BAIAP2: variants seen among roughly 807,000 people sequenced by gnomAD.
The protein encoded by BAIAP2 is BAR/IMD domain containing adaptor protein 2, also known as BAR/IMD domain-containing adapter protein 2.
Under a neutral mutation model 63.0 loss-of-function variants are expected in BAIAP2, and 18 were observed. That is an observed-to-expected ratio of 0.29 (90% CI 0.20 to 0.42). BAIAP2 has a LOEUF of 0.42. Among genes scored for constraint, BAIAP2 ranks in the 10% least tolerant of loss-of-function variants. The probability of loss-of-function intolerance (pLI) is 1.00; values close to 1 mark genes in which losing one functional copy is unlikely to be tolerated. For missense variants in BAIAP2, 610 were observed against 734.3 expected (o/e 0.83, Z 1.96); for synonymous variants, 386 against 307.6 (o/e 1.25, Z -2.67).
chr17:81,114,750 C>A (rs2060323458), intron 13 of BAIAP2, among the ~76,000 whole-genome samples: 1 of 152,238 alleles, frequency 6.6e-6, no homozygotes, highest in African/African-American at 2.4e-5. Context: ...CGGAACCCTG[C>A]CTGCCCACCC....
At chr17:81,109,017 G>C in intron 13 of BAIAP2, 1 of 1,543,960 alleles carries the variant, frequency 6.5e-7, no homozygotes, top group South Asian at 1.2e-5. Context: ...ACCCCGGGCA[G>C]CCGCTGCTCT....
At chr17:81,043,828 G>GC (rs2047421638) in intron 1 of BAIAP2, among the ~76,000 whole-genome samples, 2 of 152,388 alleles carry the variant, frequency 1.3e-5, no homozygotes, top group South Asian at 4.1e-4. Context: ...TGGCTCTCCA[G>GC]CCGCGCGTCT....
chr17:81,063,195 G>T (rs73365914), intron 3 of BAIAP2, among the ~76,000 whole-genome samples: 1 of 152,104 alleles, frequency 6.6e-6, no homozygotes, highest in Non-Finnish European at 1.5e-5. Flanking sequence ...AATGTGAAAG[G>T]TCTGGAGCGT....
intron 6 of BAIAP2, among the ~76,000 whole-genome samples, chr17:81,096,784 C>T (rs11870651): frequency 0.032 from 4,841 of 152,330 alleles, 268 homozygotes; most frequent in African/African-American, 0.11. Flanking sequence ...CCCCAGGGTA[C>T]CCCTGAATCT....
intron 6 of BAIAP2, among the ~76,000 whole-genome samples, chr17:81,094,070 A>G (rs539339858): frequency 1.3e-5 from 2 of 152,228 alleles, no homozygotes; most frequent in Admixed American, 6.5e-5. Context: ...CTGCATCCGC[A>G]GCTGACACAG....
intron 13 of BAIAP2, chr17:81,110,146 G>T (rs755660771): frequency 1.2e-5 from 12 of 985,618 alleles, no homozygotes; most frequent in Non-Finnish European, 1.4e-5. Flanking sequence ...GGGAAGCTGC[G>T]GCGCTCCTTT....
At position 81,116,485 on chromosome 17, in the gene BAIAP2, A is replaced by G; in HGVS notation, c.*646A>G. On this transcript the variant is annotated 3_prime_UTR_variant, in exon 14 of 14. Transcript: ENST00000428708. ...CAGGCCCCAGCCCTCCTCCTTACCCAACCTCCCATCCAGAACCTTGCTGCC... is the reference window on the plus strand; with the variant it reads ...CAGGCCCCAGCCCTCCTCCTTACCCGACCTCCCATCCAGAACCTTGCTGCC... The G allele has an allele frequency of 1.3e-6, 1 of 766,342 alleles. No individual in the cohort carries two copies. The highest frequency in any genetic ancestry group is 1.8e-5 in the South Asian group (1 of 54,168). The allele number at this position is 766,342 out of a possible 1,614,324, so 47.5% of individuals were successfully genotyped here. A position where few individuals can be genotyped will look rare whatever the true frequency, so the allele number is the denominator to read the frequency against.
At chr17:81,104,473 C>T (rs749551968) in intron 9 of BAIAP2, 41 bp from the exon 10 acceptor site, 8 of 1,541,610 alleles carry the variant, frequency 5.2e-6, no homozygotes, top group Non-Finnish European at 6.1e-6. Flanking sequence ...GCTGCCCCGC[C>T]AGCCAGGGGC....
rs149705257 is a variant in BAIAP2 at position 81,070,017 on chromosome 17, G to A, written c.217+12050G>A. The stretch of plus-strand genomic sequence containing the variant: ...CACTCTGTCACTCAGGCTAGAGTGT[G>A]GTGGCGCAGTCATACATAGCTCATT... On this transcript the variant is annotated intron_variant, in intron 3 of 13. Transcript: ENST00000428708. Among the ~76,000 whole-genome samples the A allele has an allele frequency of 6.6e-5, 10 of 152,240 alleles. No individual in the cohort carries two copies. The East Asian group carries it at 1.7e-3, about 26-fold the overall frequency.
chr17:81,084,735 A>G (rs2055270743), intron 3 of BAIAP2, 97 bp from the exon 4 acceptor site: 6 of 1,254,236 alleles, frequency 4.8e-6, no homozygotes, highest in Non-Finnish European at 5.8e-6. Context: ...CTGTGGTCAC[A>G]GGGCTTCCCT....
chr17:81,072,852 C>G (rs1343867706), intron 3 of BAIAP2, among the ~76,000 whole-genome samples: 1 of 152,062 alleles, frequency 6.6e-6, no homozygotes, highest in Non-Finnish European at 1.5e-5. Context: ...AGTCCTTGCT[C>G]TGGGGCCGGG....
At chr17:81,108,809 T>TGCCCCAATCTGTGCTCC in intron 13 of BAIAP2, 1 of 1,214,666 alleles carries the variant, frequency 8.2e-7, no homozygotes, top group Non-Finnish European at 1.1e-6. Context: ...CAGCCTCCTC[T>TGCCCCAATCTGTGCTCC]GCCCCAATCT....
In BAIAP2 at chr17:81,089,491, G is replaced by GT. The variant is rs2056332845; in HGVS notation, c.489+2912dup. On this transcript the variant is annotated intron_variant, in intron 6 of 13. Transcript: ENST00000428708. Reference sequence around the variant, plus strand: ...TTTGGCAACAGAACTAAGGTGGCTGGTGGCTGGGCCCGTCCTGGGGCCCCT... The same window carrying GT: ...TTTGGCAACAGAACTAAGGTGGCTGGTTGGCTGGGCCCGTCCTGGGGCCCCT... Among the ~76,000 whole-genome samples, 4 of 152,342 alleles carry GT rather than the reference G, an allele frequency of 2.6e-5. No individual in the cohort carries two copies. The South Asian group carries it at 8.3e-4, about 32-fold the overall frequency.
intron 3 of BAIAP2, among the ~76,000 whole-genome samples, chr17:81,080,469 C>A (rs2054414973): frequency 6.6e-6 from 1 of 152,248 alleles, no homozygotes; most frequent in South Asian, 2.1e-4. Flanking sequence ...GGGGCTCGGG[C>A]TGGCGGGGAT....
At chr17:81,036,994 C>T (rs1329025425) in intron 1 of BAIAP2, 5 of 1,505,976 alleles carry the variant, frequency 3.3e-6, no homozygotes, top group Non-Finnish European at 4.5e-6. Context: ...CTCTGGGGGA[C>T]CGACCCCGTG....
chr17:81,085,599 G>C, intron 4 of BAIAP2, 55 bp from the exon 5 acceptor site: 1 of 1,488,322 alleles, frequency 6.7e-7, no homozygotes, highest in Non-Finnish European at 9.4e-7. Context: ...CCTGCCTCCT[G>C]TTCCGGGTCC....
chr17:81,050,299 G>A (rs772974492), intron 1 of BAIAP2, among the ~76,000 whole-genome samples: 18 of 152,218 alleles, frequency 1.2e-4, no homozygotes, highest in South Asian at 2.1e-4. Context: ...TGTCCCGGCC[G>A]CCGCCCCTCT....
At chr17:81,096,463 C>T (rs1320048448) in intron 6 of BAIAP2, among the ~76,000 whole-genome samples, 1 of 152,268 alleles carries the variant, frequency 6.6e-6, no homozygotes, top group Non-Finnish European at 1.5e-5. Flanking sequence ...CCTGGAGGCG[C>T]ACCCCAGCAT....
intron 10 of BAIAP2, chr17:81,104,955 C>T (rs1462941964): frequency 5.4e-5 from 27 of 502,056 alleles, no homozygotes; most frequent in Non-Finnish European, 8.3e-5. Context: ...TCTTCCCCTA[C>T]AGGAGGGATC....
Sources: gnomAD v4.1 joint callset for allele counts (sites outside exome capture counted in the v4.1 genomes callset) on GRCh38, gnomAD v4.1.1 for gene constraint, MANE v1.5 for transcripts, NCBI Gene and HGNC (gene_info 2026-07-23, HGNC 2026-07-21) for gene names.